TCERG1: variants seen among roughly 807,000 people sequenced by gnomAD.
The protein encoded by TCERG1 is transcription elongation regulator 1.
A neutral mutation model predicts 144.7 loss-of-function variants in TCERG1; 37 were observed. The observed-to-expected ratio is 0.26, with a 90% CI of 0.20 to 0.34. The LOEUF is 0.34. Ranked by LOEUF, TCERG1 falls within the 10% of genes least tolerant of loss-of-function variation. The pLI, the probability that TCERG1 is intolerant of heterozygous loss-of-function variation, is 1.00. For missense variants in TCERG1, 1,027 were observed against 1,380.7 expected, an observed-to-expected ratio of 0.74 and a Z score of 4.06; for synonymous variants, 492 against 458.2, an observed-to-expected ratio of 1.07 and a Z score of -0.94.
At chr5:146,497,639 G>C (rs1447629550) in intron 16 of TCERG1, among the ~76,000 whole-genome samples, 1 of 152,138 alleles carries the variant, frequency 6.6e-6, no homozygotes, top group Non-Finnish European at 1.5e-5. Flanking sequence ...TTGAAAAGTG[G>C]ATATTTTTGT....
At position 146,459,147 on chromosome 5, in the gene TCERG1, AGCTCAGGCCCAGGCCCAG is replaced by A. The variant is rs1561640608; in HGVS notation, c.710_727del (p.Ala237_Gln242del). 7 of 1,609,530 alleles carry A rather than the reference AGCTCAGGCCCAGGCCCAG, an allele frequency of 4.3e-6. No homozygotes were observed. Among genetic ancestry groups the A allele is most frequent in the Non-Finnish European group, 5.1e-6 (6 of 1,177,230 alleles). On this transcript the variant is annotated inframe_deletion, in exon 4 of 23. Transcript: ENST00000679501. ...AGGCCCAGGCTCAGGCTCAGGCACA[AGCTCAGGCCCAGGCCCAG>A]GCTCAGGTCCAGGCCCAGGTCCAGG...
intron 1 of TCERG1, among the ~76,000 whole-genome samples, chr5:146,453,332 A>C (rs566488221): frequency 6.6e-6 from 1 of 152,232 alleles, no homozygotes; most frequent in East Asian, 1.9e-4. Context: ...CGCAAAAATA[A>C]AGCTAGGGTG....
intron 15 of TCERG1, among the ~76,000 whole-genome samples, chr5:146,489,337 ATTAT>A (rs1431163780): frequency 6.6e-6 from 1 of 152,170 alleles, no homozygotes; most frequent in Non-Finnish European, 1.5e-5. Flanking sequence ...ATGTACAATT[ATTAT>A]TTGTCAATTA....
chr5:146,456,954 A>T (rs551321788), intron 2 of TCERG1, among the ~76,000 whole-genome samples: 6 of 152,234 alleles, frequency 3.9e-5, no homozygotes, highest in Non-Finnish European at 8.8e-5. Flanking sequence ...AGCAGAATTC[A>T]CTGACAGTGT....
intron 15 of TCERG1, among the ~76,000 whole-genome samples, chr5:146,489,298 A>G (rs1766168680): frequency 6.6e-6 from 1 of 152,186 alleles, no homozygotes; most frequent in African/African-American, 2.4e-5. Flanking sequence ...TCGATTGCAC[A>G]TGTATTGAAA....
chr5:146,449,961 A>G (rs1383380968), intron 1 of TCERG1, among the ~76,000 whole-genome samples: 1 of 152,178 alleles, frequency 6.6e-6, no homozygotes, highest in African/African-American at 2.4e-5. Flanking sequence ...TTTCTGTGCT[A>G]TCATTTCCTC....
chr5:146,504,109 T>G, intron 19 of TCERG1, 103 bp downstream of exon 19: 10 of 1,133,866 alleles, frequency 8.8e-6, no homozygotes, highest in Non-Finnish European at 1.2e-5. Context: ...CTGAGGGAGA[T>G]AATTTGCTAA....
Position 146,503,891 on chromosome 5 carries a change from G to A in TCERG1, c.2666G>A (p.Arg889Gln). Reference sequence around the variant, plus strand: ...CGCATTGAGGCAAGCCTTCGAGAACGAGAAAGGGAGGTTCAAAAGGCCCGT... The same window carrying A: ...CGCATTGAGGCAAGCCTTCGAGAACAAGAAAGGGAGGTTCAAAAGGCCCGT... ...QARIEASLRE[R>Q]EREVQKARSE... The change falls in exon 19 of 23, where the codon CGA (arginine) becomes CAA (glutamine). Residue 889 changes from arginine to glutamine, a missense_variant. Physicochemically the swap from Arg to Gln is conservative, Grantham distance 43. Transcript: ENST00000679501. The A allele has an allele frequency of 6.2e-7, 1 of 1,613,094 alleles. No homozygotes were observed. Among genetic ancestry groups the A allele is most frequent in the Non-Finnish European group, 8.5e-7 (1 of 1,179,646 alleles).
chr5:146,447,905 C>T (rs1221063713), intron 1 of TCERG1, among the ~76,000 whole-genome samples: 1 of 152,274 alleles, frequency 6.6e-6, no homozygotes, highest in Non-Finnish European at 1.5e-5. Context: ...TTCATTTCAT[C>T]CCCCTCATTG....
chr5:146,503,549 G>A lies in TCERG1; in HGVS notation c.2598+10G>A. 6.2e-7 allele frequency: 1 copy of A among 1,612,260 alleles called. No individual in the cohort carries two copies. The highest frequency in any genetic ancestry group is 8.5e-7 in the Non-Finnish European group (1 of 1,178,978). Reference sequence around the variant, plus strand: ...TGAAAAAATAGCCAAGGTAACTGTTGTGTTTACTTGTATTGCTTTCATTGA... The same window carrying A: ...TGAAAAAATAGCCAAGGTAACTGTTATGTTTACTTGTATTGCTTTCATTGA... On this transcript the variant is annotated intron_variant, in intron 18 of 22. Coordinates refer to ENST00000679501, the MANE Select transcript of TCERG1 (RefSeq NM_001382548.1).
Position 146,483,606 on chromosome 5 carries a change from C to G in TCERG1, c.2140C>G (p.Leu714Val). The G allele has an allele frequency of 1.2e-6, 2 of 1,611,952 alleles. No individual in the cohort carries two copies. The highest frequency in any genetic ancestry group is 1.7e-6 in the Non-Finnish European group (2 of 1,178,808). Residue 714 changes from leucine (L) to valine (V), a missense_variant, in exon 15 of 23, where the codon CTC becomes GTC. Around this residue, in one of 6 missense-constraint regions of TCERG1, gnomAD observed 482 missense variants for 632.6 expected, o/e 0.76. Coordinates refer to ENST00000679501, the MANE Select transcript of TCERG1 (RefSeq NM_001382548.1). ...KIVFDPRYLL[L>V]NPKERKQVFD... ...AGTTTTTGATCCCCGGTACTTACTT[C>G]TCAATCCTAAAGAGAGAAAACAGGT...
intron 15 of TCERG1, among the ~76,000 whole-genome samples, chr5:146,485,503 T>A (rs1257679063): frequency 6.6e-6 from 1 of 152,124 alleles, no homozygotes; most frequent in Non-Finnish European, 1.5e-5. Context: ...TGGTACTGAG[T>A]GTTATAGTGA....
intron 1 of TCERG1, among the ~76,000 whole-genome samples, chr5:146,450,903 T>G (rs779895094): frequency 5.9e-5 from 9 of 152,216 alleles, no homozygotes; most frequent in Non-Finnish European, 1.3e-4. Context: ...TTCACCGGGA[T>G]TATCTCATTG....
At chr5:146,452,199 C>G (rs1015542849) in intron 1 of TCERG1, among the ~76,000 whole-genome samples, 1 of 152,018 alleles carries the variant, frequency 6.6e-6, no homozygotes. Flanking sequence ...TGAAAAATGT[C>G]AGAAAGTTGA....
intron 5 of TCERG1, among the ~76,000 whole-genome samples, chr5:146,466,420 G>C (rs1286867358): frequency 1.3e-5 from 2 of 152,094 alleles, no homozygotes; most frequent in African/African-American, 4.8e-5. Context: ...GTGGAGTTTG[G>C]ATAAATGGGT....
Position 146,449,181 on chromosome 5 carries a change from C to A in TCERG1, c.59+1773C>A, listed in dbSNP as rs540702015. Among the ~76,000 whole-genome samples, 5 of 152,290 alleles carry A rather than the reference C, an allele frequency of 3.3e-5. No individual in the cohort carries two copies. The South Asian group carries it at 1.0e-3, about 32-fold the overall frequency. The stretch of plus-strand genomic sequence containing the variant: ...TTATATTTGTAACCTGAATGTACTT[C>A]ATGGTGTGTCTGTCATAACCGCCTG... On this transcript the variant is annotated intron_variant, in intron 1 of 22. Coordinates refer to ENST00000679501, the MANE Select transcript of TCERG1 (RefSeq NM_001382548.1).
At chr5:146,464,276 A>G (rs552024860) in intron 5 of TCERG1, among the ~76,000 whole-genome samples, 13 of 152,316 alleles carry the variant, frequency 8.5e-5, no homozygotes, top group Non-Finnish European at 1.5e-4. Context: ...CACATAGCTA[A>G]TAAGTGATGA....
chr5:146,475,668 G>T (rs145959881), intron 9 of TCERG1, among the ~76,000 whole-genome samples: 7 of 152,168 alleles, frequency 4.6e-5, no homozygotes, highest in Non-Finnish European at 1.5e-5. Flanking sequence ...ACCTTGAGCA[G>T]TAGGATATAA....
chr5:146,497,610 TG>T (rs1767053402), intron 16 of TCERG1, among the ~76,000 whole-genome samples: 1 of 152,250 alleles, frequency 6.6e-6, no homozygotes, highest in African/African-American at 2.4e-5. Context: ...ATAGAGACTC[TG>T]GAGTCTGTTA....
Sources: allele counts gnomAD v4.1 joint callset (sites outside exome capture counted in the v4.1 genomes callset), GRCh38; gene constraint gnomAD v4.1.1; regional missense constraint gnomAD v4.1.1; transcripts MANE v1.5; gene names NCBI Gene and HGNC (gene_info 2026-07-23, HGNC 2026-07-21).